ZNF385D: variants seen among roughly 807,000 people sequenced by gnomAD.
ZNF385D encodes the protein zinc finger protein 659.
A neutral mutation model predicts 35.8 loss-of-function variants in ZNF385D; 15 were observed. The observed-to-expected ratio is 0.42, with a 90% CI of 0.28 to 0.64. The LOEUF is 0.64. Among genes scored for constraint, ZNF385D ranks in the 30% least tolerant of loss-of-function variants. The pLI, the probability that ZNF385D is intolerant of heterozygous loss-of-function variation, is 0.23. For synonymous variants in ZNF385D, 212 were observed against 186.8 expected, an observed-to-expected ratio of 1.13 and a Z score of -1.10; for missense variants, 474 against 494.6, an observed-to-expected ratio of 0.96 and a Z score of 0.39.
intron 4 of ZNF385D, among the ~76,000 whole-genome samples, chr3:21,456,284 C>T (rs1217871228): frequency 6.6e-6 from 1 of 152,152 alleles, no homozygotes; most frequent in Non-Finnish European, 1.5e-5. Context: ...GACACACGCA[C>T]ATGTATGTTT....
intron 1 of ZNF385D, among the ~76,000 whole-genome samples, chr3:21,700,530 T>C (rs935424328): frequency 1.3e-5 from 2 of 152,174 alleles, no homozygotes; most frequent in African/African-American, 4.8e-5. Flanking sequence ...TCTTTAGGGA[T>C]TACAGAAAAT....
chr3:21,858,184 A>G (rs916584983), intron 3 of ZNF385D, among the ~76,000 whole-genome samples: 1 of 151,746 alleles, frequency 6.6e-6, no homozygotes, highest in African/African-American at 2.4e-5. Context: ...GGGAAATACA[A>G]TCCAATGTAC....
chr3:21,890,632 AAAGAGAAGAG>A (rs373885817), intron 3 of ZNF385D, among the ~76,000 whole-genome samples: 5 of 152,024 alleles, frequency 3.3e-5, no homozygotes, highest in African/African-American at 9.7e-5. Context: ...AAAGAAAATA[AAAGAGAAGAG>A]AAGAGAAGAG....
At chr3:21,519,722 AC>A (rs531156565) in intron 3 of ZNF385D, among the ~76,000 whole-genome samples, 139 of 152,314 alleles carry the variant, frequency 9.1e-4, no homozygotes, top group Admixed American at 2.5e-3. Flanking sequence ...TGACAGAAGC[AC>A]AAAAATTTCA....
intron 3 of ZNF385D, among the ~76,000 whole-genome samples, chr3:22,104,446 T>A (rs1702103062): frequency 6.6e-6 from 1 of 152,176 alleles, no homozygotes; most frequent in South Asian, 2.1e-4. Context: ...TTTTGATGTT[T>A]AAGCTCCATT....
intron 3 of ZNF385D, among the ~76,000 whole-genome samples, chr3:21,901,734 A>T (rs1699423802): frequency 6.6e-6 from 1 of 152,190 alleles, no homozygotes; most frequent in Non-Finnish European, 1.5e-5. Context: ...TTAACTTGCA[A>T]AACAAGCAAC....
chr3:22,266,775 A>C (rs574777307), intron 2 of ZNF385D, among the ~76,000 whole-genome samples: 1 of 152,032 alleles, frequency 6.6e-6, no homozygotes, highest in African/African-American at 2.4e-5. Flanking sequence ...TTATTTGATA[A>C]GTCTGCTCAG....
rs1553711015 is a variant in ZNF385D, at chr3:21,975,739, A to ATG, written c.325+193077_325+193078insCA. 2.6e-3 allele frequency among the ~76,000 whole-genome samples: 124 copies of ATG among 48,376 alleles called. 3 individuals are homozygous for ATG. Among genetic ancestry groups the ATG allele is most frequent in the Middle Eastern group, 0.01 (1 of 96 alleles). The allele number at this position is 48,376 out of a possible 152,430, so 31.7% of individuals were successfully genotyped here. Reference sequence around the variant, plus strand: ...TATATATATATATATATATATATATATATATATATATATATACACACACTA... The same window carrying ATG: ...TATATATATATATATATATATATATATGTATATATATATATATACACACACTA... On this transcript the variant is annotated intron_variant, in intron 3 of 5. Transcript: ENST00000494108.
intron 2 of ZNF385D, among the ~76,000 whole-genome samples, chr3:22,253,867 C>G (rs146091911): frequency 0.013 from 1,950 of 151,990 alleles, 19 homozygotes; most frequent in Non-Finnish European, 0.02. Context: ...AGAGGCATTT[C>G]AAATCCATGG....
chr3:21,746,592 G>C (rs1414627326), intron 1 of ZNF385D, among the ~76,000 whole-genome samples: 2 of 152,148 alleles, frequency 1.3e-5, no homozygotes, highest in African/African-American at 4.8e-5. Flanking sequence ...ATAATGGTCA[G>C]GACTTCACGC....
In ZNF385D at chr3:22,253,170, G is replaced by A. The variant is rs568638018; in HGVS notation, c.107-84135C>T. 4.3e-4 allele frequency among the ~76,000 whole-genome samples: 65 copies of A among 152,104 alleles called. 1 individual carries two copies. In the East Asian group the frequency reaches 8.7e-3, roughly 20 times the overall value. On this transcript the variant is annotated intron_variant, in intron 2 of 5. Coordinates refer to the ZNF385D transcript ENST00000494108. Reference sequence around the variant, plus strand: ...CTGAGATAAAGAGCACACACCAAACGAAATCACATTGGAGGGTAGAAAAAT... The same window carrying A: ...CTGAGATAAAGAGCACACACCAAACAAAATCACATTGGAGGGTAGAAAAAT...
At chr3:21,741,429 T>C (rs2069511094) in intron 1 of ZNF385D, among the ~76,000 whole-genome samples, 2 of 152,028 alleles carry the variant, frequency 1.3e-5, no homozygotes, top group African/African-American at 4.8e-5. Flanking sequence ...TAGCCCACCA[T>C]TCCTCAGGGC....
chr3:21,983,985 G>A (rs113630655), intron 3 of ZNF385D, among the ~76,000 whole-genome samples: 42 of 136,038 alleles, frequency 3.1e-4, no homozygotes, highest in African/African-American at 1.2e-3. Flanking sequence ...GTCTGTTCAT[G>A]TCCTTCGCCC....
At chr3:22,048,438 G>A (rs1699141097) in intron 3 of ZNF385D, among the ~76,000 whole-genome samples, 1 of 152,096 alleles carries the variant, frequency 6.6e-6, no homozygotes, top group Non-Finnish European at 1.5e-5. Context: ...GCAAGATAAG[G>A]ATTAAATTTT....
In ZNF385D at chr3:21,576,358, T is replaced by A. The variant is rs2063496866; in HGVS notation, c.166-11674A>T. Among the ~76,000 whole-genome samples the A allele has an allele frequency of 2.0e-5, 3 of 152,320 alleles. No individual in the cohort carries two copies. In the South Asian group the frequency reaches 6.2e-4, roughly 32 times the overall value. On this transcript the variant is annotated intron_variant, in intron 2 of 7. Transcript: ENST00000281523. Reference sequence around the variant, plus strand: ...AAGAAACATTTCATTGTCAGTAGATTTCTGCTATGGCTGTTTCCCTAATGT... The same window carrying A: ...AAGAAACATTTCATTGTCAGTAGATATCTGCTATGGCTGTTTCCCTAATGT...
chr3:22,014,806 CAATA>C (rs1307250189), intron 3 of ZNF385D, among the ~76,000 whole-genome samples: 2 of 151,926 alleles, frequency 1.3e-5, no homozygotes, highest in African/African-American at 4.8e-5. Flanking sequence ...ATGCACAATA[CAATA>C]AATACTAAAA....
chr3:22,206,574 G>A (rs1392276253), intron 2 of ZNF385D, among the ~76,000 whole-genome samples: 3 of 151,860 alleles, frequency 2.0e-5, no homozygotes, highest in African/African-American at 4.8e-5. Flanking sequence ...AGAATTTCAA[G>A]TATCTTCTCT....
intron 1 of ZNF385D, among the ~76,000 whole-genome samples, chr3:21,716,344 T>G (rs1315239381): frequency 3.9e-5 from 6 of 152,154 alleles, no homozygotes; most frequent in Admixed American, 3.9e-4. Flanking sequence ...GGCCTTATAA[T>G]GTCCTAAAGT....
At chr3:22,198,929 T>C (rs2125238837) in intron 2 of ZNF385D, among the ~76,000 whole-genome samples, 1 of 152,274 alleles carries the variant, frequency 6.6e-6, no homozygotes, top group African/African-American at 2.4e-5. Context: ...CTTTGCTGAA[T>C]GGAATTGCTG....
Sources: gnomAD v4.1 joint callset for allele counts (sites outside exome capture counted in the v4.1 genomes callset) on GRCh38, gnomAD v4.1.1 for gene constraint, MANE v1.5 for transcripts, NCBI Gene and HGNC (gene_info 2026-07-23, HGNC 2026-07-21) for gene names.